Variants in TAB2 observed in about 807,000 individuals in gnomAD.
TAB2 encodes TGF-beta-activated kinase 1 and MAP3K7-binding protein 2.
A neutral mutation model predicts 65.0 loss-of-function variants in TAB2; 3 were observed. The observed-to-expected ratio is 0.05, with a 90% confidence interval of 0.02 to 0.12. TAB2 has a LOEUF of 0.12. Among genes scored for constraint, TAB2 ranks in the 10% least tolerant of loss-of-function variants. The pLI, the probability that TAB2 is intolerant of heterozygous loss-of-function variation, is 1.00. For missense variants in TAB2, 623 were observed against 840.3 expected, an observed-to-expected ratio of 0.74 and a Z score of 3.20; for synonymous variants, 298 against 285.1, an observed-to-expected ratio of 1.05 and a Z score of -0.46.
intron 3 of TAB2, among the ~76,000 whole-genome samples, chr6:149,381,961 G>T (rs769937644): frequency 6.6e-6 from 1 of 152,046 alleles, no homozygotes; most frequent in South Asian, 2.1e-4. Context: ...ACCCATTCTC[G>T]TCCTTGCCTC....
intron 3 of TAB2, among the ~76,000 whole-genome samples, chr6:149,397,009 A>T (rs1258166388): frequency 6.6e-6 from 1 of 152,248 alleles, no homozygotes; most frequent in African/African-American, 2.4e-5. Context: ...TAAGTAGGTT[A>T]ACTGAAAAGA....
intron 1 of TAB2, among the ~76,000 whole-genome samples, chr6:149,334,768 A>AC (rs1779885149): frequency 6.6e-6 from 1 of 152,194 alleles, no homozygotes; most frequent in African/African-American, 2.4e-5. Flanking sequence ...ACATACTTGA[A>AC]CAAGGACATT....
intron 6 of TAB2, among the ~76,000 whole-genome samples, chr6:149,407,212 G>A (rs1782695077): frequency 6.6e-6 from 1 of 152,102 alleles, no homozygotes; most frequent in South Asian, 2.1e-4. Context: ...AGATGACAGC[G>A]GTATAAGCAC....
intron 5 of TAB2, 47 bp downstream of exon 5, chr6:149,398,109 C>T (rs1222648540): frequency 1.3e-6 from 2 of 1,523,384 alleles, no homozygotes; most frequent in African/African-American, 1.4e-5. Context: ...ATTTAATTCA[C>T]CAGCAGTTTT....
At chr6:149,389,215 A>T (rs558603886) in intron 3 of TAB2, among the ~76,000 whole-genome samples, 1 of 151,868 alleles carries the variant, frequency 6.6e-6, no homozygotes, top group South Asian at 2.1e-4. Context: ...CGGCCTCCCA[A>T]AGTGCTGGGA....
chr6:149,329,424 A>ACT (rs1280836888), intron 1 of TAB2, among the ~76,000 whole-genome samples: 15 of 152,202 alleles, frequency 9.9e-5, no homozygotes, highest in Non-Finnish European at 1.8e-4. Flanking sequence ...CCATTACAGA[A>ACT]CAGACCAGGG....
intron 1 of TAB2, among the ~76,000 whole-genome samples, chr6:149,318,933 T>C (rs1779348596): frequency 6.6e-6 from 1 of 152,162 alleles, no homozygotes; most frequent in African/African-American, 2.4e-5. Flanking sequence ...GCGGAGGGAA[T>C]TTGCAGCCTC....
chr6:149,323,570 A>G (rs1255980016), intron 1 of TAB2, among the ~76,000 whole-genome samples: 3 of 152,170 alleles, frequency 2.0e-5, no homozygotes, highest in African/African-American at 7.2e-5. Context: ...ACGTCCCACC[A>G]GCATCCCACC....
chr6:149,286,094 A>T (rs1229047314), intron 1 of TAB2, among the ~76,000 whole-genome samples: 1 of 150,796 alleles, frequency 6.6e-6, no homozygotes, highest in African/African-American at 2.4e-5. Context: ...TGAGGTATAC[A>T]CTACCAAAAA....
At chr6:149,293,434 G>T (rs574539883) in intron 1 of TAB2, among the ~76,000 whole-genome samples, 1 of 152,144 alleles carries the variant, frequency 6.6e-6, no homozygotes, top group Non-Finnish European at 1.5e-5. Flanking sequence ...CACTTCTTAT[G>T]TGTGTTGCTA....
chr6:149,381,153 C>T (rs1218353674), intron 3 of TAB2, among the ~76,000 whole-genome samples: 1 of 152,110 alleles, frequency 6.6e-6, no homozygotes, highest in African/African-American at 2.4e-5. Flanking sequence ...CCTAGGTATG[C>T]GTGTGCATGT....
intron 1 of TAB2, among the ~76,000 whole-genome samples, chr6:149,292,714 T>C (rs867564316): frequency 6.6e-6 from 1 of 152,228 alleles, no homozygotes; most frequent in Non-Finnish European, 1.5e-5. Flanking sequence ...ATATTTTTGA[T>C]TTGGAACAAA....
At chr6:149,309,752 A>G (rs1040489174) in intron 1 of TAB2, among the ~76,000 whole-genome samples, 1 of 151,896 alleles carries the variant, frequency 6.6e-6, no homozygotes, top group Admixed American at 6.6e-5. Context: ...CATTGATTTC[A>G]TTAATTTTGA....
In TAB2 at chr6:149,236,386, T is replaced by A. The variant is rs542035633; in HGVS notation, c.-121+17610T>A. On this transcript the variant is annotated intron_variant, in intron 1 of 1. Coordinates refer to the TAB2 transcript ENST00000606202. ...AAGTAGTTTTCAACTTGGGAACATGTCAGAATCATGGGAGGAGCTTTTTCA... is the reference window on the plus strand; with the variant it reads ...AAGTAGTTTTCAACTTGGGAACATGACAGAATCATGGGAGGAGCTTTTTCA... Among the ~76,000 whole-genome samples the A allele has an allele frequency of 2.0e-5, 3 of 152,342 alleles. No individual in the cohort carries two copies. In the South Asian group the frequency reaches 6.2e-4, roughly 32 times the overall value.
intron 1 of TAB2, among the ~76,000 whole-genome samples, chr6:149,367,299 G>A (rs1467766650): frequency 6.6e-6 from 1 of 152,138 alleles, no homozygotes; most frequent in Non-Finnish European, 1.5e-5. Context: ...CTGAAGAAGT[G>A]ACATTTGATC....
chr6:149,350,056 C>T (rs1375318363), intron 1 of TAB2, among the ~76,000 whole-genome samples: 1 of 151,926 alleles, frequency 6.6e-6, no homozygotes, highest in Admixed American at 6.6e-5. Flanking sequence ...CTCAGCCTCC[C>T]GAGTAGCTGG....
intron 1 of TAB2, among the ~76,000 whole-genome samples, chr6:149,337,230 G>A (rs752685377): frequency 6.5e-5 from 9 of 137,500 alleles, no homozygotes; most frequent in African/African-American, 1.1e-4. Flanking sequence ...TAACTGTTTC[G>A]GTATAATTGG....
Position 149,232,836 on chromosome 6 carries a change from A to G in TAB2, c.-121+14060A>G, listed in dbSNP as rs549658391. On this transcript the variant is annotated intron_variant, in intron 1 of 1. Coordinates refer to the TAB2 transcript ENST00000606202. ...CAAGCAGGCTTTCATCCTCTACACT[A>G]AACTGCCTCCAGAGAAAGTGCCCCA... 8.2e-4 allele frequency among the ~76,000 whole-genome samples: 125 copies of G among 152,300 alleles called. 1 individual carries two copies. The highest frequency in any genetic ancestry group is 2.9e-3 in the African/African-American group (122 of 41,556).
At chr6:149,277,742 T>C (rs1050068847) in intron 1 of TAB2, among the ~76,000 whole-genome samples, 1 of 152,244 alleles carries the variant, frequency 6.6e-6, no homozygotes, top group African/African-American at 2.4e-5. Context: ...AGAATTCTTA[T>C]TCAGATAAAA....
Sources: allele counts gnomAD v4.1 joint callset (sites outside exome capture counted in the v4.1 genomes callset), GRCh38; gene constraint gnomAD v4.1.1; transcripts MANE v1.5; gene names NCBI Gene and HGNC (gene_info 2026-07-23, HGNC 2026-07-21).